ELF2: variants seen among roughly 807,000 people sequenced by gnomAD.
ELF2 encodes E74 like ETS transcription factor 2.
A neutral mutation model predicts 54.8 loss-of-function variants in ELF2; 11 were observed. That is an observed-to-expected ratio of 0.20 (90% CI 0.13 to 0.33). The LOEUF is 0.33. ELF2 is among the 10% of genes least tolerant of loss of function. The pLI is 1.00. For synonymous variants in ELF2, 203 were observed against 245.1 expected (o/e 0.83, Z 1.61); for missense variants, 513 against 703.0 (o/e 0.73, Z 3.06).
At chr4:139,089,900 T>C (rs1277898044) in intron 4 of ELF2, among the ~76,000 whole-genome samples, 1 of 152,242 alleles carries the variant, frequency 6.6e-6, no homozygotes, top group African/African-American at 2.4e-5. Context: ...CCACATCATA[T>C]ACCAACAAAC....
At chr4:139,134,565 T>C (rs577248105) in intron 3 of ELF2, among the ~76,000 whole-genome samples, 1 of 147,864 alleles carries the variant, frequency 6.8e-6, no homozygotes, top group Non-Finnish European at 1.5e-5. Flanking sequence ...TTATTTTATG[T>C]TATTTTATTT....
At chr4:139,087,597 C>G (rs750464843) in intron 4 of ELF2, among the ~76,000 whole-genome samples, 1 of 152,166 alleles carries the variant, frequency 6.6e-6, no homozygotes, top group Non-Finnish European at 1.5e-5. Context: ...TCCCGAGTAG[C>G]TGGGACTACA....
chr4:139,078,616 T>C (rs1008830123), intron 4 of ELF2, among the ~76,000 whole-genome samples: 5 of 151,170 alleles, frequency 3.3e-5, no homozygotes, highest in Admixed American at 2.6e-4. Flanking sequence ...GAGAGCGAAC[T>C]GCCCTCTGCA....
At chr4:139,128,561 G>A (rs1239800165) in intron 3 of ELF2, among the ~76,000 whole-genome samples, 7 of 145,376 alleles carry the variant, frequency 4.8e-5, no homozygotes, top group African/African-American at 1.3e-4. Context: ...TAGCTCTGTC[G>A]CCCAGGTTGG....
intron 6 of ELF2, 94 bp downstream of exon 6, chr4:139,071,772 T>C (rs1729542961): frequency 2.6e-6 from 3 of 1,157,582 alleles, no homozygotes; most frequent in Admixed American, 5.5e-5. Flanking sequence ...ATCTTAAATC[T>C]ACAGCATATA....
At chr4:139,064,554 G>C (rs1424228571) in intron 7 of ELF2, among the ~76,000 whole-genome samples, 1 of 152,134 alleles carries the variant, frequency 6.6e-6, no homozygotes, top group Non-Finnish European at 1.5e-5. Context: ...ATAACACAGA[G>C]TTCAACCCAT....
intron 1 of ELF2, among the ~76,000 whole-genome samples, chr4:139,162,746 G>A (rs1185334898): frequency 6.6e-6 from 1 of 152,046 alleles, no homozygotes; most frequent in Admixed American, 6.6e-5. Context: ...TAGAAAGACT[G>A]AATATATTTC....
chr4:139,060,328 G>A lies in ELF2; in HGVS notation c.1153C>T (p.Pro385Ser), dbSNP rs1277561279. ...CTAATGGTTTGCTTCACTTACCTTGGAGCTGCTGTTGCTGACACAGATGCA... is the reference window on the plus strand; with the variant it reads ...CTAATGGTTTGCTTCACTTACCTTGAAGCTGCTGTTGCTGACACAGATGCA... The part of the protein sequence containing the change: ...TTASVSATAA[P>S]RTVRVAMQVP... Residue 385 changes from proline (P) to serine (S), a missense_variant, in exon 9 of 10, where the codon CCA becomes TCA. Transcript: ENST00000686138. 1.9e-6 allele frequency: 3 copies of A among 1,594,080 alleles called. No homozygotes were observed. Among genetic ancestry groups the A allele is most frequent in the Non-Finnish European group, 2.6e-6 (3 of 1,170,542 alleles).
At chr4:139,099,607 T>C (rs1464618767) in intron 4 of ELF2, among the ~76,000 whole-genome samples, 3 of 152,146 alleles carry the variant, frequency 2.0e-5, no homozygotes, top group Non-Finnish European at 4.4e-5. Context: ...CTTAGACTGA[T>C]TTTGGATACC....
chr4:139,115,468 GA>G, intron 4 of ELF2: 2 of 900,836 alleles, frequency 2.2e-6, no homozygotes, highest in Non-Finnish European at 2.7e-6. Context: ...TCGCCGCGGC[GA>G]GGGCAGCGGC....
chr4:139,121,131 C>T lies in ELF2; in HGVS notation c.238+4033G>A, dbSNP rs1168997137. Among the ~76,000 whole-genome samples, 7 of 88,646 alleles carry T rather than the reference C, an allele frequency of 7.9e-5. No homozygotes were observed. In the South Asian group the frequency reaches 1.1e-3, roughly 14 times the overall value. 58.2% of individuals were successfully genotyped at this position (88,646 alleles called of 152,430 possible). On this transcript the variant is annotated intron_variant, in intron 4 of 9. Transcript: ENST00000686138. The stretch of plus-strand genomic sequence containing the variant: ...TTTTTTTTTTTTTTTTTTTTTGAGA[C>T]GGAGTCTTGCTCTGTCGCCCAGGCT...
At chr4:139,089,964 CTG>C (rs1732405745) in intron 4 of ELF2, among the ~76,000 whole-genome samples, 1 of 152,192 alleles carries the variant, frequency 6.6e-6, no homozygotes, top group Non-Finnish European at 1.5e-5. Context: ...GGGTCTCACT[CTG>C]TCACTGAGGC....
At chr4:139,151,037 AAAG>A (rs1739871275) in intron 1 of ELF2, among the ~76,000 whole-genome samples, 1 of 41,246 alleles carries the variant, frequency 2.4e-5, no homozygotes. Context: ...AAAAAAAAAG[AAAG>A]AAAGAAAGAA....
rs1022396988 is a variant in ELF2 at position 139,169,483 on chromosome 4, G to A, written c.-252+7484C>T. 5.3e-5 allele frequency among the ~76,000 whole-genome samples: 8 copies of A among 152,064 alleles called. No homozygotes were observed. The East Asian group carries it at 9.6e-4, about 18-fold the overall frequency. ...GTAACTTCATGTCCAACCTCAGACT[G>A]GCATCACTCTTGTCACTGATCTTTA... On this transcript the variant is annotated intron_variant, in intron 1 of 9. Coordinates refer to ENST00000686138, the MANE Select transcript of ELF2 (RefSeq NM_001331036.3).
intron 1 of ELF2, among the ~76,000 whole-genome samples, chr4:139,151,096 A>AAAGAAAGAAAGAAAG (rs1560871880): frequency 7.0e-5 from 9 of 128,284 alleles, no homozygotes; most frequent in African/African-American, 2.5e-4. Context: ...AAGAAAGAAA[A>AAAGAAAGAAAGAAAG]AGAGAGCTAT....
At chr4:139,176,610 G>C (rs1008454541) in intron 1 of ELF2, among the ~76,000 whole-genome samples, 4 of 152,132 alleles carry the variant, frequency 2.6e-5, no homozygotes, top group Non-Finnish European at 4.4e-5. Context: ...CTCGCGCAGA[G>C]ATGTAAACAC....
chr4:139,080,669 A>G (rs1278820605), intron 4 of ELF2, among the ~76,000 whole-genome samples: 1 of 152,172 alleles, frequency 6.6e-6, no homozygotes. Flanking sequence ...ATAAGGCAGA[A>G]ATCTTCCAGA....
chr4:139,164,092 G>GAGGGAGAGAGAGAAAGAGGGAGGA (rs1176831075), intron 1 of ELF2, among the ~76,000 whole-genome samples: 7 of 149,280 alleles, frequency 4.7e-5, no homozygotes, highest in Non-Finnish European at 1.0e-4. Flanking sequence ...GGGAGGGAGA[G>GAGGGAGAGAGAGAAAGAGGGAGGA]AGGGAGAGAG....
At chr4:139,080,717 T>C (rs1251046450) in intron 4 of ELF2, among the ~76,000 whole-genome samples, 4 of 152,164 alleles carry the variant, frequency 2.6e-5, no homozygotes, top group Non-Finnish European at 5.9e-5. Flanking sequence ...TTAACATAAA[T>C]ATTAGGAAAG....
Sources: allele counts gnomAD v4.1 joint callset (sites outside exome capture counted in the v4.1 genomes callset), GRCh38; gene constraint gnomAD v4.1.1; transcripts MANE v1.5; gene names NCBI Gene and HGNC (gene_info 2026-07-23, HGNC 2026-07-21).